Variants in CEACAM21 observed in about 807,000 individuals in gnomAD.
CEACAM21 encodes CEA cell adhesion molecule 21, also known as cell adhesion molecule CEACAM21.
Under a neutral mutation model 33.2 loss-of-function variants are expected in CEACAM21, and 38 were observed. The ratio of observed to expected loss-of-function variants is 1.14; its 90% CI spans 0.88 to 1.50. The LOEUF is 1.50. CEACAM21 is among the 40% of genes most tolerant of loss of function. CEACAM21 has a pLI of 0.00. For missense variants in CEACAM21, 385 were observed against 364.6 expected (o/e 1.06, Z -0.46); for synonymous variants, 156 against 143.0 (o/e 1.09, Z -0.65).
chr19:41,569,841 A>G (rs1240757634), intron 2 of CEACAM21, among the ~76,000 whole-genome samples: 1 of 152,114 alleles, frequency 6.6e-6, no homozygotes, highest in East Asian at 1.9e-4. Flanking sequence ...TAAATCCCAA[A>G]TTCCATCAGT....
intron 2 of CEACAM21, chr19:41,565,725 C>A (rs1191061645): frequency 1.3e-5 from 2 of 152,062 alleles, no homozygotes; most frequent in African/African-American, 2.4e-5. Flanking sequence ...TATCGTATAT[C>A]CAAGATTATC....
chr19:41,557,744 G>A (rs558499769), intron 1 of CEACAM21, among the ~76,000 whole-genome samples: 1 of 152,312 alleles, frequency 6.6e-6, no homozygotes, highest in East Asian at 1.9e-4. Flanking sequence ...CTGCAAAATG[G>A]TCTCGTTTGT....
intron 1 of CEACAM21, among the ~76,000 whole-genome samples, 168 bp downstream of exon 1, chr19:41,576,506 A>G (rs189654771): frequency 1.3e-5 from 2 of 152,260 alleles, no homozygotes; most frequent in South Asian, 2.1e-4. Flanking sequence ...GGAATTGCCA[A>G]GGGGCAAAAC....
intron 6 of CEACAM21, 126 bp downstream of exon 6, chr19:41,585,997 G>A: frequency 2.0e-6 from 2 of 1,001,134 alleles, no homozygotes; most frequent in South Asian, 1.4e-5. Context: ...GGTTAGACCT[G>A]CCCTGGCCAT....
At chr19:41,571,126 C>T (rs2042586592) in intron 2 of CEACAM21, among the ~76,000 whole-genome samples, 1 of 152,170 alleles carries the variant, frequency 6.6e-6, no homozygotes, top group African/African-American at 2.4e-5. Flanking sequence ...TGACAACCAA[C>T]AATGTTTCCA....
intron 1 of CEACAM21, among the ~76,000 whole-genome samples, chr19:41,560,405 G>C (rs2041810301): frequency 6.6e-6 from 1 of 152,036 alleles, no homozygotes; most frequent in African/African-American, 2.4e-5. Flanking sequence ...ATTTTTCATA[G>C]AGATGGGGGT....
intron 1 of CEACAM21, chr19:41,552,086 A>G (rs917008859): frequency 2.0e-5 from 3 of 152,228 alleles, no homozygotes; most frequent in African/African-American, 7.2e-5. Context: ...TCCAGAGCTT[A>G]TATATTTTCT....
rs1400070719 is a variant in CEACAM21 at position 41,577,293 on chromosome 19, T to C, written c.158T>C (p.Leu53Pro). 1 of 1,614,016 alleles carries C rather than the reference T, an allele frequency of 6.2e-7. No individual in the cohort carries two copies. Among genetic ancestry groups the C allele is most frequent in the Non-Finnish European group, 8.5e-7 (1 of 1,180,004 alleles). ...GTTGCTGAAGGGGAGAATGTTCATCTCTCTGTGGTTTATCTGCCCGAGAAT... is the reference window on the plus strand; with the variant it reads ...GTTGCTGAAGGGGAGAATGTTCATCCCTCTGTGGTTTATCTGCCCGAGAAT... ...FEVAEGENVH[L>P]SVVYLPENLY... is the part of the protein sequence containing the mutation. The change falls in exon 2 of 7, where the codon CTC (leucine) becomes CCC (proline). Residue 53 changes from leucine (L) to proline (P), a missense_variant. Leu to Pro is a moderately conservative substitution (Grantham distance 98). Transcript: ENST00000401445.
At chr19:41,559,900 GAA>G (rs2041771758) in intron 1 of CEACAM21, among the ~76,000 whole-genome samples, 1 of 152,230 alleles carries the variant, frequency 6.6e-6, no homozygotes, top group South Asian at 2.1e-4. Context: ...ATTGAGATCG[GAA>G]GTTAGAGGCT....
chr19:41,559,250 T>G (rs868922902), intron 1 of CEACAM21, among the ~76,000 whole-genome samples: 1 of 152,228 alleles, frequency 6.6e-6, no homozygotes, highest in Non-Finnish European at 1.5e-5. Context: ...TTGTGGCCAC[T>G]GTGCTAAATT....
chr19:41,556,440 A>G (rs1435056294), intron 1 of CEACAM21, among the ~76,000 whole-genome samples: 2 of 152,260 alleles, frequency 1.3e-5, no homozygotes, highest in East Asian at 1.9e-4. Flanking sequence ...GAAAATCCAG[A>G]AAGACTGTAT....
intron 1 of CEACAM21, among the ~76,000 whole-genome samples, chr19:41,558,315 T>C (rs1450553021): frequency 1.3e-5 from 2 of 152,158 alleles, no homozygotes; most frequent in Non-Finnish European, 2.9e-5. Context: ...CATTTGACTA[T>C]CTTTGAAACA....
rs540689391 is a variant in CEACAM21 at position 41,556,409 on chromosome 19, T to C, written c.-779+6857T>C. ...GAGTTTCACTCAAATCCAAATATTT[T>C]TCAAAACAGGAGGCAAAAGAGAAAA... On this transcript the variant is annotated intron_variant, in intron 1 of 7. Coordinates refer to the CEACAM21 transcript ENST00000407170. Among the ~76,000 whole-genome samples, 3 of 152,330 alleles carry C rather than the reference T, an allele frequency of 2.0e-5. No homozygotes were observed. The South Asian group carries it at 6.2e-4, about 32-fold the overall frequency.
intron 1 of CEACAM21, among the ~76,000 whole-genome samples, chr19:41,552,687 C>A (rs2041287868): frequency 6.6e-6 from 1 of 152,152 alleles, no homozygotes; most frequent in South Asian, 2.1e-4. Flanking sequence ...CTACTTCCTG[C>A]TGAGAGGGGG....
chr19:41,557,530 G>A (rs1330120771), intron 1 of CEACAM21, among the ~76,000 whole-genome samples: 5 of 152,140 alleles, frequency 3.3e-5, no homozygotes. Flanking sequence ...TGAACTCAAC[G>A]CTGTCAATCG....
intron 1 of CEACAM21, 78 bp from the exon 2 acceptor site, chr19:41,577,122 G>A: frequency 6.4e-7 from 1 of 1,554,252 alleles, no homozygotes; most frequent in Non-Finnish European, 8.8e-7. Context: ...GAGGGGTGAA[G>A]AGACCTGCAC....
At chr19:41,584,243 C>CA (rs2070536859) in intron 3 of CEACAM21, 104 bp from the exon 4 acceptor site, 1 of 937,534 alleles carries the variant, frequency 1.1e-6, no homozygotes, top group African/African-American at 1.6e-5. Context: ...ACTCAGGCTC[C>CA]ATGGCATTTC....
intron 3 of CEACAM21, among the ~76,000 whole-genome samples, chr19:41,582,147 C>A (rs1485771045): frequency 1.3e-5 from 2 of 152,246 alleles, no homozygotes; most frequent in Non-Finnish European, 2.9e-5. Context: ...AGGCCCCATG[C>A]AAGCCCAAAA....
At chr19:41,577,070 G>A in intron 1 of CEACAM21, 130 bp from the exon 2 acceptor site, 1 of 1,007,930 alleles carries the variant, frequency 9.9e-7, no homozygotes, top group East Asian at 2.6e-5. Context: ...TGCTGACTTT[G>A]ACCCAGTAGG....
Sources: gnomAD v4.1 joint callset for allele counts (sites outside exome capture counted in the v4.1 genomes callset) on GRCh38, gnomAD v4.1.1 for gene constraint, MANE v1.5 for transcripts, NCBI Gene and HGNC (gene_info 2026-07-23, HGNC 2026-07-21) for gene names.